C1orf21: variants seen among roughly 807,000 people sequenced by gnomAD.
C1orf21 encodes the protein uncharacterized protein C1orf21.
C1orf21 carries 3 observed loss-of-function variants against 18.7 expected under a neutral mutation model. That is an observed-to-expected ratio of 0.16 (90% CI 0.07 to 0.42). The LOEUF (loss-of-function observed/expected upper bound fraction) is 0.42, where lower values mean the gene tolerates loss of function less well. C1orf21 is among the 10% of genes least tolerant of loss of function. C1orf21 has a pLI of 0.99. For synonymous variants in C1orf21, 41 were observed against 46.4 expected (o/e 0.88, Z 0.47); for missense variants, 104 against 143.6 (o/e 0.72, Z 1.41).
chr1:184,557,252 C>CT (rs1006591062), intron 3 of C1orf21, among the ~76,000 whole-genome samples: 1 of 151,940 alleles, frequency 6.6e-6, no homozygotes, highest in Middle Eastern at 3.4e-3. Flanking sequence ...GTGTTTTTTT[C>CT]TTTTTTTTAA....
intron 2 of C1orf21, among the ~76,000 whole-genome samples, chr1:184,502,879 A>G (rs1571388536): frequency 6.6e-6 from 1 of 151,812 alleles, no homozygotes; most frequent in Admixed American, 6.6e-5. Context: ...GGAGTTTAAG[A>G]CCAGCCTGGC....
chr1:184,562,850 AT>A (rs915016632), intron 3 of C1orf21, among the ~76,000 whole-genome samples: 1 of 152,206 alleles, frequency 6.6e-6, no homozygotes, highest in Non-Finnish European at 1.5e-5. Context: ...AAGGATATAT[AT>A]TTGCACGTGT....
At chr1:184,593,290 T>G (rs748752207) in intron 4 of C1orf21, among the ~76,000 whole-genome samples, 13 of 150,426 alleles carry the variant, frequency 8.6e-5, no homozygotes, top group Non-Finnish European at 1.9e-4. Context: ...TGTGTGTGTG[T>G]GTGTACACAC....
intron 5 of C1orf21, among the ~76,000 whole-genome samples, chr1:184,612,590 G>A (rs1236634990): frequency 2.0e-5 from 3 of 152,132 alleles, no homozygotes; most frequent in Non-Finnish European, 4.4e-5. Context: ...GCCAGGCGTG[G>A]TGGTGCATGC....
Position 184,449,087 on chromosome 1 carries a change from A to C in C1orf21, c.-124-28299A>C, listed in dbSNP as rs1369329581. Among the ~76,000 whole-genome samples, 14 of 152,202 alleles carry C rather than the reference A, an allele frequency of 9.2e-5. No individual in the cohort carries two copies. The South Asian group carries it at 1.7e-3, about 18-fold the overall frequency. On this transcript the variant is annotated intron_variant, in intron 1 of 5. Coordinates refer to ENST00000235307, the MANE Select transcript of C1orf21 (RefSeq NM_030806.4). ...TATTATACTTTAAGTTCTAGTGTAC[A>C]TGTGCACAATGTGCAGGTTTGTTAC...
chr1:184,445,324 A>G (rs1305981405), intron 1 of C1orf21, among the ~76,000 whole-genome samples: 3 of 140,864 alleles, frequency 2.1e-5, no homozygotes, highest in Non-Finnish European at 4.6e-5. Context: ...ATAATGTAAA[A>G]CCACGCCCTT....
intron 3 of C1orf21, among the ~76,000 whole-genome samples, chr1:184,552,081 A>G (rs1658821373): frequency 6.6e-6 from 1 of 152,226 alleles, no homozygotes. Flanking sequence ...GAAATAGTAC[A>G]GTAAACATTT....
In C1orf21 at chr1:184,621,217, A is replaced by AAAGGG. The variant is rs1462164819; in HGVS notation, c.*1671_*1675dup. On this transcript the variant is annotated 3_prime_UTR_variant, in exon 6 of 6. Coordinates refer to ENST00000235307, the MANE Select transcript of C1orf21 (RefSeq NM_030806.4). ...ATCTCCTTTTAGACCTGGGACGGCA[A>AAAGGG]AAGGGAAGGGAAGGAAACTTAGCAG... 6.6e-6 allele frequency: 1 copy of AAAGGG among 152,634 alleles called. No homozygotes were observed. The highest frequency in any genetic ancestry group is 1.5e-5 in the Non-Finnish European group (1 of 68,052). 9.5% of individuals were successfully genotyped at this position (152,634 alleles called of 1,614,324 possible).
rs1166504282 is a variant in C1orf21 at position 184,414,885 on chromosome 1, T to A, written c.-125+27517T>A. ...TTAGGTCAATTATGTAATGTTTTCTTCTTACTTTTGTGTGGGGGGAAAGCA... is the reference window on the plus strand; with the variant it reads ...TTAGGTCAATTATGTAATGTTTTCTACTTACTTTTGTGTGGGGGGAAAGCA... On this transcript the variant is annotated intron_variant, in intron 1 of 5. Transcript: ENST00000235307. Among the ~76,000 whole-genome samples the A allele has an allele frequency of 2.6e-5, 4 of 152,184 alleles. No individual in the cohort carries two copies. The South Asian group carries it at 8.3e-4, about 32-fold the overall frequency.
chr1:184,508,366 A>G (rs1391242043), intron 3 of C1orf21, among the ~76,000 whole-genome samples: 1 of 152,208 alleles, frequency 6.6e-6, no homozygotes, highest in East Asian at 1.9e-4. Flanking sequence ...ATATGTATTT[A>G]GTTGTATTGG....
chr1:184,422,195 C>T (rs567658268), intron 1 of C1orf21, among the ~76,000 whole-genome samples: 1 of 152,260 alleles, frequency 6.6e-6, no homozygotes, highest in African/African-American at 2.4e-5. Context: ...TGGATGTTCC[C>T]GTTGCTGATC....
intron 5 of C1orf21, among the ~76,000 whole-genome samples, chr1:184,601,382 C>G (rs1659582466): frequency 6.6e-6 from 1 of 152,162 alleles, no homozygotes; most frequent in Non-Finnish European, 1.5e-5. Context: ...CAAATTTCTG[C>G]TCTATCTCCC....
chr1:184,574,066 G>A (rs946779399), intron 3 of C1orf21, among the ~76,000 whole-genome samples: 5 of 151,974 alleles, frequency 3.3e-5, no homozygotes, highest in South Asian at 2.1e-4. Context: ...TTAGCTGGGC[G>A]TGGTGGTACA....
intron 3 of C1orf21, among the ~76,000 whole-genome samples, chr1:184,522,495 T>C (rs1389398272): frequency 6.6e-6 from 1 of 151,974 alleles, no homozygotes; most frequent in Admixed American, 6.5e-5. Flanking sequence ...TGGTGCGTCT[T>C]GTAGTGTCAG....
chr1:184,582,622 C>T (rs561145766), intron 3 of C1orf21, among the ~76,000 whole-genome samples: 2 of 152,328 alleles, frequency 1.3e-5, no homozygotes, highest in Admixed American at 6.5e-5. Flanking sequence ...AATGAGATTC[C>T]TCTCCAGACT....
chr1:184,509,736 A>G (rs10797973), intron 3 of C1orf21, among the ~76,000 whole-genome samples: 25,835 of 152,152 alleles, frequency 0.17, 2,487 homozygotes, highest in Admixed American at 0.29. Flanking sequence ...AGTATCGAGA[A>G]GTTCTTGATA....
intron 3 of C1orf21, among the ~76,000 whole-genome samples, chr1:184,582,859 G>C (rs1252921912): frequency 1.3e-5 from 2 of 152,086 alleles, no homozygotes; most frequent in Non-Finnish European, 2.9e-5. Context: ...TGTTTTTTGA[G>C]GCGGAATCTT....
chr1:184,544,537 C>T (rs748133402), intron 3 of C1orf21, among the ~76,000 whole-genome samples: 2 of 152,182 alleles, frequency 1.3e-5, no homozygotes, highest in Non-Finnish European at 2.9e-5. Flanking sequence ...AGTGGCTCCT[C>T]ATTGGTAGAT....
chr1:184,594,934 T>A (rs1659493100), intron 4 of C1orf21, among the ~76,000 whole-genome samples: 1 of 152,192 alleles, frequency 6.6e-6, no homozygotes, highest in African/African-American at 2.4e-5. Context: ...CTAAAGCCCA[T>A]TTTGCCCACC....
Sources: gnomAD v4.1 joint callset for allele counts (sites outside exome capture counted in the v4.1 genomes callset) on GRCh38, gnomAD v4.1.1 for gene constraint, MANE v1.5 for transcripts, NCBI Gene and HGNC (gene_info 2026-07-23, HGNC 2026-07-21) for gene names.